AAMDC: variants seen among roughly 807,000 people sequenced by gnomAD.
The protein encoded by AAMDC is adipogenesis associated Mth938 domain containing, also known as mth938 domain-containing protein.
AAMDC carries 16 observed loss-of-function variants against 15.5 expected under a neutral mutation model. The observed-to-expected ratio is 1.03, with a 90% CI of 0.70 to 1.57. The LOEUF is 1.57. Among genes scored for constraint, AAMDC ranks in the 40% most tolerant of loss-of-function variants. The pLI, the probability that AAMDC is intolerant of heterozygous loss-of-function variation, is 0.00. For synonymous variants in AAMDC, 51 were observed against 51.6 expected, an observed-to-expected ratio of 0.99 and a Z score of 0.05; for missense variants, 141 against 144.9, an observed-to-expected ratio of 0.97 and a Z score of 0.14.
chr11:77,824,407 T>C (rs1949074988), intron 1 of AAMDC, among the ~76,000 whole-genome samples: 1 of 152,236 alleles, frequency 6.6e-6, no homozygotes, highest in African/African-American at 2.4e-5. Flanking sequence ...TCTTAAGATA[T>C]TTCAAATTTC....
At chr11:77,878,294 A>G (rs1331060642) in intron 5 of AAMDC, among the ~76,000 whole-genome samples, 2 of 151,836 alleles carry the variant, frequency 1.3e-5, no homozygotes, top group African/African-American at 4.8e-5. Flanking sequence ...CCCAGGAGGC[A>G]GAGGTTGCAG....
At position 77,832,618 on chromosome 11, in the gene AAMDC, G is replaced by A. The variant is rs578203522; in HGVS notation, c.-18-9861G>A. ...TGGGATTACAGGCATGAGCCACCGCGCCTGGCCATAGAGGAACTTTTATAT... is the reference window on the plus strand; with the variant it reads ...TGGGATTACAGGCATGAGCCACCGCACCTGGCCATAGAGGAACTTTTATAT... On this transcript the variant is annotated intron_variant, in intron 1 of 3. Coordinates refer to ENST00000393427, the MANE Select transcript of AAMDC (RefSeq NM_024684.4). Among the ~76,000 whole-genome samples the A allele has an allele frequency of 2.1e-3, 314 of 151,762 alleles. 2 individuals are homozygous for A. Among genetic ancestry groups the A allele is most frequent in the South Asian group, 5.2e-3 (25 of 4,806 alleles).
At chr11:77,850,185 G>A (rs1950314715) in intron 2 of AAMDC, among the ~76,000 whole-genome samples, 1 of 152,134 alleles carries the variant, frequency 6.6e-6, no homozygotes, top group South Asian at 2.1e-4. Flanking sequence ...AAAGGACAGA[G>A]CAGATTTTGT....
intron 5 of AAMDC, chr11:77,891,975 T>C (rs1308567322): frequency 7.1e-7 from 1 of 1,413,364 alleles, no homozygotes; most frequent in Admixed American, 2.3e-5. Flanking sequence ...ACGACCAAGA[T>C]AGACTGGTAC....
rs530515997 is a variant in AAMDC at position 77,848,504 on chromosome 11, C to T, written c.132+5876C>T. 2.6e-5 allele frequency among the ~76,000 whole-genome samples: 4 copies of T among 152,026 alleles called. No homozygotes were observed. In the South Asian group the frequency reaches 8.3e-4, roughly 32 times the overall value. On this transcript the variant is annotated intron_variant, in intron 2 of 3. Transcript: ENST00000393427. ...TCCCGAGTAGCTGGGATTACAGGCA[C>T]CCACCACCTCACTTGGCTAATTTTT...
intron 5 of AAMDC, among the ~76,000 whole-genome samples, chr11:77,883,594 G>A (rs996060441): frequency 2.6e-5 from 4 of 151,980 alleles, no homozygotes; most frequent in Admixed American, 6.6e-5. Context: ...TATCATAATC[G>A]CCTGTATATC....
At chr11:77,824,944 T>C (rs1023127866) in intron 1 of AAMDC, among the ~76,000 whole-genome samples, 5 of 152,196 alleles carry the variant, frequency 3.3e-5, no homozygotes, top group African/African-American at 9.7e-5. Flanking sequence ...GTCTCCTTCA[T>C]ATGTTATCTT....
At chr11:77,887,572 G>A (rs1365803007) in intron 5 of AAMDC, among the ~76,000 whole-genome samples, 14 of 152,156 alleles carry the variant, frequency 9.2e-5, no homozygotes, top group African/African-American at 3.4e-4. Context: ...TGCTGGCCAG[G>A]GCAATTAGGT....
intron 2 of AAMDC, among the ~76,000 whole-genome samples, chr11:77,859,276 C>G (rs751176714): frequency 2.2e-4 from 34 of 152,206 alleles, no homozygotes; most frequent in Admixed American, 3.9e-4. Context: ...TCCTGCCTTG[C>G]AGCTCTTTTT....
Position 77,872,348 on chromosome 11 carries a change from G to A in AAMDC, c.*33G>A, listed in dbSNP as rs755142887. ...TTAAGAGGAGAATAAATCACTAAGT[G>A]CCTATGCCTGTGACTGTCACTCACC... On this transcript the variant is annotated 3_prime_UTR_variant, in exon 4 of 4. Transcript: ENST00000393427. 1.3e-6 allele frequency: 2 copies of A among 1,584,110 alleles called. No individual in the cohort carries two copies. Among genetic ancestry groups the A allele is most frequent in the East Asian group, 2.3e-5 (1 of 44,108 alleles).
chr11:77,836,881 CT>C (rs1279745701), intron 1 of AAMDC, among the ~76,000 whole-genome samples: 2 of 152,096 alleles, frequency 1.3e-5, no homozygotes, highest in Non-Finnish European at 2.9e-5. Context: ...AGGAGAATCG[CT>C]TGAACCCGGG....
intron 2 of AAMDC, among the ~76,000 whole-genome samples, chr11:77,848,399 C>T (rs995647180): frequency 6.6e-6 from 1 of 152,050 alleles, no homozygotes; most frequent in Non-Finnish European, 1.5e-5. Context: ...TGCTCTGTCA[C>T]CCAGGCTGGA....
chr11:77,881,476 A>G (rs663674), intron 5 of AAMDC, among the ~76,000 whole-genome samples: 38,541 of 152,118 alleles, frequency 0.25, 5,192 homozygotes, highest in African/African-American at 0.35. Context: ...CGGAAGGGAC[A>G]TAGCACAGTG....
At chr11:77,860,705 A>G (rs1455630428) in intron 2 of AAMDC, among the ~76,000 whole-genome samples, 1 of 152,150 alleles carries the variant, frequency 6.6e-6, no homozygotes, top group Non-Finnish European at 1.5e-5. Context: ...GTGAATTGAG[A>G]CATTGGGTTT....
intron 2 of AAMDC, among the ~76,000 whole-genome samples, chr11:77,868,060 T>C (rs886520354): frequency 2.0e-5 from 3 of 148,346 alleles, no homozygotes; most frequent in African/African-American, 7.3e-5. Flanking sequence ...CTCTGAGCCT[T>C]TTTTTTTTTT....
chr11:77,833,010 T>TATA (rs1555006979), intron 1 of AAMDC, among the ~76,000 whole-genome samples: 439 of 32,666 alleles, frequency 0.013, 33 homozygotes, highest in African/African-American at 0.073. Flanking sequence ...TATATATATA[T>TATA]TTTTTTTTTT....
intron 2 of AAMDC, among the ~76,000 whole-genome samples, chr11:77,862,426 T>C (rs1382937926): frequency 6.6e-6 from 1 of 152,228 alleles, no homozygotes; most frequent in Non-Finnish European, 1.5e-5. Context: ...TATTTTAATT[T>C]GCTTCAAGTC....
intron 2 of AAMDC, among the ~76,000 whole-genome samples, chr11:77,847,255 G>A (rs1038115066): frequency 1.3e-5 from 2 of 152,136 alleles, no homozygotes; most frequent in Non-Finnish European, 2.9e-5. Flanking sequence ...TTTGGCCTTT[G>A]GGAATTTCCC....
downstream of AAMDC, among the ~76,000 whole-genome samples, chr11:77,903,831 T>A (rs902000194): frequency 6.6e-6 from 1 of 152,168 alleles, no homozygotes; most frequent in Non-Finnish European, 1.5e-5. Flanking sequence ...TTTGATCCAA[T>A]TCTTGGCCCA....
Sources: allele counts gnomAD v4.1 joint callset (sites outside exome capture counted in the v4.1 genomes callset), GRCh38; gene constraint gnomAD v4.1.1; transcripts MANE v1.5; gene names NCBI Gene and HGNC (gene_info 2026-07-23, HGNC 2026-07-21).